PPP2R2C: variants seen among roughly 807,000 people sequenced by gnomAD.
The protein encoded by PPP2R2C is protein phosphatase 2 regulatory subunit Bgamma.
PPP2R2C carries 10 observed loss-of-function variants against 45.3 expected under a neutral mutation model. The ratio of observed to expected loss-of-function variants is 0.22; its 90% CI spans 0.14 to 0.37. The LOEUF (loss-of-function observed/expected upper bound fraction) is 0.37, where lower values mean the gene tolerates loss of function less well. Ranked by LOEUF, PPP2R2C falls within the 10% of genes least tolerant of loss-of-function variation. The probability of loss-of-function intolerance (pLI) is 1.00; values close to 1 mark genes in which losing one functional copy is unlikely to be tolerated. For missense variants in PPP2R2C, 308 were observed against 619.7 expected (o/e 0.50, Z 5.34); for synonymous variants, 257 against 245.4 (o/e 1.05, Z -0.44).
intron 2 of PPP2R2C, among the ~76,000 whole-genome samples, chr4:6,511,372 GCGGTGATGGTGGTGA>G (rs1723458177): frequency 7.1e-6 from 1 of 141,070 alleles, no homozygotes; most frequent in Admixed American, 7.0e-5. Context: ...GGTGGTGGTG[GCGGTGATGGTGGTGA>G]TGGTGATGGT....
chr4:6,517,980 A>G lies in PPP2R2C; in HGVS notation c.49+17291T>C, dbSNP rs137856611. Among the ~76,000 whole-genome samples, 19 of 152,340 alleles carry G rather than the reference A, an allele frequency of 1.2e-4. No individual in the cohort carries two copies. In the East Asian group the frequency reaches 3.5e-3, roughly 28 times the overall value. ...CAGGCAGAAGGGAGTCTGTCATGCA[A>G]AGCGGAAAAAGAAGCAAAAACCCCA... On this transcript the variant is annotated intron_variant, in intron 2 of 9. Transcript: ENST00000506140.
intron 5 of PPP2R2C, among the ~76,000 whole-genome samples, chr4:6,366,909 G>A (rs1473452844): frequency 6.6e-6 from 1 of 152,104 alleles, no homozygotes; most frequent in East Asian, 1.9e-4. Flanking sequence ...GAGTTTTAAG[G>A]GGGGCTGACA....
chr4:6,348,020 G>A lies in PPP2R2C; in HGVS notation c.626-10C>T. 1 of 1,612,958 alleles carries A rather than the reference G, an allele frequency of 6.2e-7. No individual in the cohort carries two copies. The highest frequency in any genetic ancestry group is 8.5e-7 in the Non-Finnish European group (1 of 1,179,208). On this transcript the variant is annotated splice_polypyrimidine_tract_variant and intron_variant, in intron 5 of 8. Transcript: ENST00000382599. ...TTGATGTCCACGATGTCTGGGGGCA[G>A]TGCGGTCAAGGAAGGGGCAGTGAAG...
chr4:6,334,459 C>T (rs1256211336), intron 6 of PPP2R2C, among the ~76,000 whole-genome samples: 3 of 152,168 alleles, frequency 2.0e-5, no homozygotes, highest in African/African-American at 7.2e-5. Flanking sequence ...GAGGACTCCC[C>T]AGACAGTGTC....
chr4:6,418,176 C>A (rs1033038538), intron 1 of PPP2R2C, among the ~76,000 whole-genome samples: 3 of 152,158 alleles, frequency 2.0e-5, no homozygotes, highest in Non-Finnish European at 4.4e-5. Flanking sequence ...GGCAAGTGGA[C>A]ATGAACTGCT....
intron 1 of PPP2R2C, among the ~76,000 whole-genome samples, chr4:6,556,757 G>C (rs1188601407): frequency 6.6e-6 from 1 of 151,940 alleles, no homozygotes; most frequent in African/African-American, 2.4e-5. Context: ...TGAGCAACCA[G>C]ATTCTCCCCC....
At chr4:6,493,911 C>A (rs1473078942) in intron 2 of PPP2R2C, among the ~76,000 whole-genome samples, 3 of 152,222 alleles carry the variant, frequency 2.0e-5, no homozygotes, top group Admixed American at 6.5e-5. Context: ...ACAGAACATG[C>A]TGGAATGTTA....
At chr4:6,386,253 G>A (rs763966299) in intron 1 of PPP2R2C, among the ~76,000 whole-genome samples, 13 of 152,320 alleles carry the variant, frequency 8.5e-5, no homozygotes, top group Non-Finnish European at 1.5e-4. Flanking sequence ...CTGAGGACAA[G>A]TCCCAGCCTG....
intron 1 of PPP2R2C, among the ~76,000 whole-genome samples, chr4:6,397,440 A>C (rs939768298): frequency 6.6e-6 from 1 of 151,012 alleles, no homozygotes; most frequent in Non-Finnish European, 1.5e-5. Flanking sequence ...CTCCCGGCCA[A>C]GGTGCAGGGT....
chr4:6,435,820 T>C (rs1201851694), intron 1 of PPP2R2C, among the ~76,000 whole-genome samples: 1 of 152,210 alleles, frequency 6.6e-6, no homozygotes, highest in Non-Finnish European at 1.5e-5. Flanking sequence ...AGCTTGTCCA[T>C]GTGAGACCTT....
intron 2 of PPP2R2C, among the ~76,000 whole-genome samples, chr4:6,520,950 TG>T (rs200262707): frequency 0.021 from 3,208 of 152,356 alleles, 51 homozygotes; most frequent in Middle Eastern, 0.041. Context: ...CCATTGTTCT[TG>T]TTAATTATCA....
chr4:6,474,413 A>G (rs1722063749), upstream of PPP2R2C, among the ~76,000 whole-genome samples: 1 of 152,152 alleles, frequency 6.6e-6, no homozygotes, highest in African/African-American at 2.4e-5. Context: ...AGCAGGGGTC[A>G]GGCCTCCTGG....
At chr4:6,426,253 G>T (rs1252011538) in intron 1 of PPP2R2C, among the ~76,000 whole-genome samples, 1 of 152,232 alleles carries the variant, frequency 6.6e-6, no homozygotes, top group East Asian at 1.9e-4. Context: ...AGCCAGCTGG[G>T]CAGTGAGAGG....
At chr4:6,538,911 A>C (rs1289049417) in intron 1 of PPP2R2C, among the ~76,000 whole-genome samples, 3 of 152,120 alleles carry the variant, frequency 2.0e-5, no homozygotes, top group African/African-American at 7.2e-5. Flanking sequence ...GTGCTCCACA[A>C]ATATCGAGCC....
At chr4:6,502,074 G>A (rs141826643) in intron 2 of PPP2R2C, among the ~76,000 whole-genome samples, 12 of 152,354 alleles carry the variant, frequency 7.9e-5, no homozygotes, top group South Asian at 2.1e-4. Flanking sequence ...CCTGTTCCAC[G>A]CGATCTGGAG....
intron 5 of PPP2R2C, among the ~76,000 whole-genome samples, chr4:6,351,846 C>A (rs976035380): frequency 3.3e-5 from 5 of 152,174 alleles, no homozygotes; most frequent in African/African-American, 1.2e-4. Flanking sequence ...TCCATGGTCA[C>A]CTGGTCCGTG....
intron 5 of PPP2R2C, among the ~76,000 whole-genome samples, chr4:6,372,295 G>A (rs73798215): frequency 0.018 from 2,696 of 152,324 alleles, 79 homozygotes; most frequent in African/African-American, 0.06. Flanking sequence ...TGGAGGAGGC[G>A]ATGGGTGCAA....
At chr4:6,485,487 T>A (rs1309082217) in intron 2 of PPP2R2C, among the ~76,000 whole-genome samples, 1 of 151,908 alleles carries the variant, frequency 6.6e-6, no homozygotes, top group Non-Finnish European at 1.5e-5. Context: ...ATCAGTAACG[T>A]CATCTGGGCC....
intron 1 of PPP2R2C, among the ~76,000 whole-genome samples, chr4:6,540,019 C>A (rs1022543412): frequency 2.6e-5 from 4 of 152,226 alleles, no homozygotes; most frequent in Non-Finnish European, 4.4e-5. Flanking sequence ...TCCAATGACA[C>A]CAAGCTTCTC....
Sources: gnomAD v4.1 joint callset for allele counts (sites outside exome capture counted in the v4.1 genomes callset) on GRCh38, gnomAD v4.1.1 for gene constraint, MANE v1.5 for transcripts, NCBI Gene and HGNC (gene_info 2026-07-23, HGNC 2026-07-21) for gene names.